The following TRIM77 variants were observed in gnomAD, a reference collection of about 807,000 sequenced individuals.
TRIM77 encodes the protein tripartite motif containing 77.
A neutral mutation model predicts 31.8 loss-of-function variants in TRIM77; 23 were observed. The observed-to-expected ratio is 0.72, with a 90% confidence interval of 0.52 to 1.02. TRIM77 has a LOEUF of 1.02. Among genes scored for constraint, TRIM77 ranks in the 50% least tolerant of loss-of-function variants. The pLI is 0.00. For missense variants in TRIM77, 446 were observed against 539.2 expected (o/e 0.83, Z 1.71); for synonymous variants, 159 against 183.1 (o/e 0.87, Z 1.06).
At chr11:89,715,027 C>A in intron 3 of TRIM77, 131 bp from the exon 4 acceptor site, 1 of 793,306 alleles carries the variant, frequency 1.3e-6, no homozygotes, top group Non-Finnish European at 1.9e-6. Flanking sequence ...TGAAAAATGC[C>A]TTTATCCAAA....
chr11:89,710,731 C>A, intron 1 of TRIM77, 22 bp downstream of exon 1: 5 of 1,489,316 alleles, frequency 3.4e-6, no homozygotes, highest in Non-Finnish European at 4.5e-6. Flanking sequence ...CTACTGATTG[C>A]ACTTTGAAAT....
chr11:89,716,389 T>G (rs1056910097), intron 5 of TRIM77, among the ~76,000 whole-genome samples: 1 of 152,228 alleles, frequency 6.6e-6, no homozygotes, highest in Non-Finnish European at 1.5e-5. Context: ...TTCGAATGTT[T>G]ACCTAAAGAT....
chr11:89,713,180 G>A (rs1949134483), intron 2 of TRIM77, among the ~76,000 whole-genome samples: 1 of 150,584 alleles, frequency 6.6e-6, no homozygotes, highest in Non-Finnish European at 1.5e-5. Context: ...GCAGGCTGAG[G>A]CAGGAGAATC....
intron 2 of TRIM77, 59 bp from the exon 3 acceptor site, chr11:89,714,133 G>A: frequency 1.8e-6 from 2 of 1,137,226 alleles, no homozygotes; most frequent in South Asian, 1.6e-5. Flanking sequence ...CAGAATAGCT[G>A]ATAAGGAAAG....
intron 1 of TRIM77, among the ~76,000 whole-genome samples, chr11:89,711,001 A>G (rs951963759): frequency 2.4e-4 from 37 of 152,138 alleles, no homozygotes; most frequent in African/African-American, 8.9e-4. Context: ...CTCTATATTA[A>G]TCACTAGTTT....
chr11:89,716,413 A>C (rs1949161395), intron 5 of TRIM77, among the ~76,000 whole-genome samples: 1 of 152,198 alleles, frequency 6.6e-6, no homozygotes, highest in African/African-American at 2.4e-5. Flanking sequence ...AGTTTTAAGG[A>C]ATACATTTGA....
chr11:89,716,265 T>C (rs975242776), intron 5 of TRIM77, among the ~76,000 whole-genome samples: 7 of 152,154 alleles, frequency 4.6e-5, no homozygotes, highest in Admixed American at 2.0e-4. Flanking sequence ...AGGAATGCTA[T>C]AAATAAAGCA....
chr11:89,715,081 C>T, intron 3 of TRIM77, 77 bp from the exon 4 acceptor site: 1 of 1,426,134 alleles, frequency 7.0e-7, no homozygotes, highest in Non-Finnish European at 9.6e-7. Flanking sequence ...CAGTCCATAT[C>T]CTCAGACTGC....
intron 2 of TRIM77, among the ~76,000 whole-genome samples, chr11:89,713,861 G>T (rs1243249160): frequency 6.6e-6 from 1 of 152,070 alleles, no homozygotes; most frequent in Admixed American, 6.6e-5. Context: ...GTGAGTAGGA[G>T]TATTGAGAAA....
chr11:89,717,626 A>G lies in TRIM77; in HGVS notation c.1107A>G (p.Arg369=). The change falls in exon 6 of 6, where the codon CGA becomes CGG. Residue 369 remains arginine (R), a synonymous_variant. Transcript: ENST00000398290. ...CCTGGACAAAGAGGAATGACATGCG[A>G]CTTGACTCTGAGGGTATCTTTCTAC... is the stretch of plus-strand genomic sequence containing the variant. The part of the protein sequence containing the change: ...REAWTKRNDM[R]LDSEGIFLLL... 6.4e-7 allele frequency: 1 copy of G among 1,551,346 alleles called. No individual in the cohort carries two copies. Among genetic ancestry groups the G allele is most frequent in the Middle Eastern group, 1.7e-4 (1 of 5,986 alleles).
intron 2 of TRIM77, among the ~76,000 whole-genome samples, chr11:89,711,997 C>G (rs926630582): frequency 5.9e-5 from 9 of 152,088 alleles, no homozygotes; most frequent in Non-Finnish European, 1.2e-4. Context: ...TTGATTAATT[C>G]ATGAAAAAGA....
Position 89,717,848 on chromosome 11 carries a change from T to C in TRIM77, c.1329T>C (p.Pro443=). 2 of 1,542,286 alleles carry C rather than the reference T, an allele frequency of 1.3e-6. No homozygotes were observed. Among genetic ancestry groups the C allele is most frequent in the East Asian group, 2.4e-5 (1 of 40,872 alleles). The change falls in exon 6 of 6, where the codon CCT becomes CCC. Residue 443 remains proline, a synonymous_variant. Transcript: ENST00000398290. The part of the protein sequence containing the change: ...LSRIFYFPLR[P]FICHGSK ...GCATCTTCTATTTTCCTCTCAGACCTTTCATTTGCCACGGATCTAAATAAT... is the reference window on the plus strand; with the variant it reads ...GCATCTTCTATTTTCCTCTCAGACCCTTCATTTGCCACGGATCTAAATAAT...
intron 5 of TRIM77, among the ~76,000 whole-genome samples, chr11:89,716,743 G>A (rs1378239456): frequency 1.3e-5 from 2 of 152,170 alleles, no homozygotes; most frequent in Non-Finnish European, 2.9e-5. Context: ...AAGATCAAGT[G>A]TGAAGCCCTC....
chr11:89,715,482 G>A (rs542920809), intron 4 of TRIM77, among the ~76,000 whole-genome samples: 1 of 152,140 alleles, frequency 6.6e-6, no homozygotes, highest in Non-Finnish European at 1.5e-5. Context: ...AATAATCTCA[G>A]AGAGGCAGCT....
intron 4 of TRIM77, among the ~76,000 whole-genome samples, chr11:89,715,465 A>T (rs1281020544): frequency 6.6e-6 from 1 of 152,164 alleles, no homozygotes; most frequent in African/African-American, 2.4e-5. Context: ...TGTCAATGGG[A>T]AAGGCAAATA....
intron 4 of TRIM77, 67 bp downstream of exon 4, chr11:89,715,247 G>C (rs1021367274): frequency 2.1e-6 from 3 of 1,423,242 alleles, no homozygotes; most frequent in Non-Finnish European, 2.9e-6. Flanking sequence ...TGCTGGGATC[G>C]ACCCACACTT....
chr11:89,713,275 CAAAAAAAAAAAA>C (rs1185402054), intron 2 of TRIM77, among the ~76,000 whole-genome samples: 2 of 42,186 alleles, frequency 4.7e-5, no homozygotes, highest in African/African-American at 1.8e-4. Context: ...GACTCCGTCT[CAAAAAAAAAAAA>C]AAAAAAAAAA....
chr11:89,712,803 T>C (rs1352953057), intron 2 of TRIM77, among the ~76,000 whole-genome samples: 1 of 152,184 alleles, frequency 6.6e-6, no homozygotes, highest in Admixed American at 6.5e-5. Context: ...ATCACACACA[T>C]GAGCACAGCA....
intron 2 of TRIM77, among the ~76,000 whole-genome samples, chr11:89,712,092 T>C (rs3907396): frequency 0.29 from 44,503 of 152,076 alleles, 7,296 homozygotes; most frequent in Middle Eastern, 0.4. Context: ...TTTAGGATTA[T>C]ATAATCCATT....
Sources: gnomAD v4.1 joint callset for allele counts (sites outside exome capture counted in the v4.1 genomes callset) on GRCh38, gnomAD v4.1.1 for gene constraint, MANE v1.5 for transcripts, NCBI Gene and HGNC (gene_info 2026-07-23, HGNC 2026-07-21) for gene names.